The following CCDC183 variants were observed in gnomAD, a reference collection of about 807,000 sequenced individuals.
CCDC183 encodes coiled-coil domain containing 183.
A neutral mutation model predicts 65.2 loss-of-function variants in CCDC183; 63 were observed. The ratio of observed to expected loss-of-function variants is 0.97; its 90% CI spans 0.79 to 1.19. The LOEUF is 1.19. Ranked by LOEUF, CCDC183 falls within the 50% of genes most tolerant of loss-of-function variation. The pLI, the probability that CCDC183 is intolerant of heterozygous loss-of-function variation, is 0.00. For synonymous variants in CCDC183, 323 were observed against 276.5 expected (o/e 1.17, Z -1.67); for missense variants, 769 against 689.3 (o/e 1.12, Z -1.30).
intron 10 of CCDC183, 46 bp from the exon 11 acceptor site, chr9:136,806,458 C>T (rs940976275): frequency 1.2e-6 from 2 of 1,610,454 alleles, no homozygotes; most frequent in East Asian, 4.5e-5. Flanking sequence ...CACCATGGCT[C>T]TCGGGCCTGT....
Position 136,804,577 on chromosome 9 carries a change from A to T in CCDC183, c.742A>T (p.Lys248Ter). Reference protein sequence around the residue: ...ARENRLNQQKKLIDKIHTKET... With the variant: ...ARENRLNQQK ...GGAGAACCGGCTCAACCAGCAGAAG[A>T]AGCTGATCGACAAGATCCACACGAA... Residue 248 changes from lysine to a stop codon, truncating the protein, a stop_gained, in exon 7 of 14, where the codon AAG becomes TAG. Transcript: ENST00000338005. LOFTEE classifies it high-confidence loss of function. The surrounding 1 kb of genome is among the most constrained non-coding windows in gnomAD (Gnocchi z 4.1). 1.2e-6 allele frequency: 2 copies of T among 1,613,684 alleles called. No homozygotes were observed. The highest frequency in any genetic ancestry group is 1.7e-4 in the Middle Eastern group (1 of 6,060).
chr9:136,799,918 C>G (rs1299712418), intron 3 of CCDC183, 84 bp from the exon 4 acceptor site: 2 of 1,525,238 alleles, frequency 1.3e-6, no homozygotes, highest in African/African-American at 1.4e-5. Context: ...GGGGTTGCCA[C>G]GAGCCTCCAC....
intron 9 of CCDC183, 144 bp from the exon 10 acceptor site, chr9:136,805,934 C>A: frequency 1.5e-6 from 1 of 677,420 alleles, no homozygotes; most frequent in Non-Finnish European, 2.4e-6. Flanking sequence ...GTTGAGGCTG[C>A]AGTGAGCTGT....
chr9:136,805,682 A>G (rs1847831790), intron 9 of CCDC183: 1 of 565,070 alleles, frequency 1.8e-6, no homozygotes, highest in African/African-American at 1.9e-5. Flanking sequence ...TTAGGCCTTG[A>G]GCTCCTAACC....
chr9:136,798,572 C>T (rs1487635828), intron 1 of CCDC183, among the ~76,000 whole-genome samples: 1 of 152,218 alleles, frequency 6.6e-6, no homozygotes, highest in Non-Finnish European at 1.5e-5. Flanking sequence ...GCTGGGATTA[C>T]AGGTGTGAGC....
At position 136,799,141 on chromosome 9, in the gene CCDC183, A is replaced by C. The variant is rs368056573; in HGVS notation, c.110A>C (p.Asn37Thr). Reference sequence around the variant, plus strand: ...CTCCAGATCCAAGGGGTGAAAGAGAATATGGACCAGAACAAGGCCACGCTG... The same window carrying C: ...CTCCAGATCCAAGGGGTGAAAGAGACTATGGACCAGAACAAGGCCACGCTG... ...RALQIQGVKE[N>T]MDQNKATLAL... Residue 37 changes from asparagine to threonine, a missense_variant, in exon 2 of 14, where the codon AAT (asparagine) becomes ACT (threonine). By Grantham distance (65) the Asn-to-Thr change is moderately conservative. Transcript: ENST00000338005. 7.4e-6 allele frequency: 12 copies of C among 1,613,336 alleles called. No homozygotes were observed. The highest frequency in any genetic ancestry group is 6.7e-5 in the Admixed American group (4 of 59,988).
intron 5 of CCDC183, 77 bp from the exon 6 acceptor site, chr9:136,802,585 GCT>G: frequency 6.5e-7 from 1 of 1,532,514 alleles, no homozygotes; most frequent in Non-Finnish European, 8.8e-7. Flanking sequence ...TGTTCTCAGG[GCT>G]CTTAGTCGGG....
At position 136,806,547 on chromosome 9, in the gene CCDC183, GAAGAA is replaced by G. The variant is rs1847854268; in HGVS notation, c.1154_1158del (p.Glu385GlyfsTer35). ...GAAAATGACAGACATGCTAAAAGAG[GAAGAA>G]GAGAGGCTCCAGCTGGCGCACAGCA... is the stretch of plus-strand genomic sequence containing the variant. On this transcript the variant is annotated frameshift_variant, in exon 11 of 14. Coordinates refer to ENST00000338005, the MANE Select transcript of CCDC183 (RefSeq NM_001039374.5). LOFTEE classifies it high-confidence loss of function. The G allele has an allele frequency of 2.5e-6, 4 of 1,613,528 alleles. No individual in the cohort carries two copies. The highest frequency in any genetic ancestry group is 3.4e-6 in the Non-Finnish European group (4 of 1,180,046).
Position 136,806,659 on chromosome 9 carries a change from T to A in CCDC183, c.1265T>A (p.Leu422Ter), listed in dbSNP as rs1847857647. The change falls in exon 11 of 14, where the codon TTG (leucine) becomes TAG (stop). Residue 422 changes from leucine to a stop codon, truncating the protein, a stop_gained. Coordinates refer to ENST00000338005, the MANE Select transcript of CCDC183 (RefSeq NM_001039374.5). LOFTEE classifies it high-confidence loss of function. ...NLYVRLMGIN[L>*]PATQREVVLS... is the part of the protein sequence containing the mutation. ...TATGTCCGGCTGATGGGCATTAACT[T>A]GCCTGCGACCCAGGTACCGGGAGTG... 6.2e-7 allele frequency: 1 copy of A among 1,613,390 alleles called. No individual in the cohort carries two copies. Among genetic ancestry groups the A allele is most frequent in the Non-Finnish European group, 8.5e-7 (1 of 1,180,014 alleles).
chr9:136,805,958 A>AT, intron 9 of CCDC183, 120 bp from the exon 10 acceptor site: 1 of 784,696 alleles, frequency 1.3e-6, no homozygotes, highest in Non-Finnish European at 2.0e-6. Context: ...CACACTTGTG[A>AT]ATGAGCACAG....
At chr9:136,805,144 G>A (rs1021992478) in intron 8 of CCDC183, 11 of 596,968 alleles carry the variant, frequency 1.8e-5, no homozygotes, top group East Asian at 2.8e-5. Flanking sequence ...CACTCACTCC[G>A]GGTCCACCTC....
chr9:136,798,177 TG>T (rs1847682155), intron 1 of CCDC183, among the ~76,000 whole-genome samples: 2 of 151,512 alleles, frequency 1.3e-5, no homozygotes, highest in African/African-American at 2.4e-5. Context: ...AGCTAATTTT[TG>T]TATTTTTAGT....
intron 10 of CCDC183, 52 bp from the exon 11 acceptor site, chr9:136,806,452 A>C: frequency 6.8e-6 from 11 of 1,608,330 alleles, no homozygotes; most frequent in Non-Finnish European, 9.3e-6. Flanking sequence ...GTGGCCCACC[A>C]TGGCTCTCGG....
At chr9:136,799,647 C>A in intron 2 of CCDC183, 66 bp from the exon 3 acceptor site, 1 of 1,408,920 alleles carries the variant, frequency 7.1e-7, no homozygotes, top group Non-Finnish European at 9.9e-7. Context: ...GGGAGAATGC[C>A]TGGAGGAGCC....
intron 5 of CCDC183, chr9:136,800,832 G>C (rs1439334514): frequency 4.3e-6 from 1 of 230,660 alleles, no homozygotes; most frequent in Non-Finnish European, 8.6e-6. Context: ...CACCTTTGAG[G>C]GTCCGCTGGG....
Position 136,806,546 on chromosome 9 carries a change from G to T in CCDC183, c.1152G>T (p.Glu384Asp). Residue 384 changes from glutamate to aspartate, a missense_variant, in exon 11 of 14, where the codon GAG becomes GAT. Physicochemically the swap from Glu to Asp is conservative, Grantham distance 45. Coordinates refer to ENST00000338005, the MANE Select transcript of CCDC183 (RefSeq NM_001039374.5). ...VEKKMTDMLK[E>D]EEERLQLAHS... ...AGAAAATGACAGACATGCTAAAAGA[G>T]GAAGAAGAGAGGCTCCAGCTGGCGC... 1 of 1,613,646 alleles carries T rather than the reference G, an allele frequency of 6.2e-7. No individual in the cohort carries two copies. Among genetic ancestry groups the T allele is most frequent in the Non-Finnish European group, 8.5e-7 (1 of 1,180,046 alleles).
At chr9:136,805,653 G>A (rs995417830) in intron 9 of CCDC183, 196 bp downstream of exon 9, 12 of 578,706 alleles carry the variant, frequency 2.1e-5, no homozygotes, top group Admixed American at 3.0e-5. Flanking sequence ...TCCCATCTGT[G>A]TATCTGCGTT....
intron 4 of CCDC183, 32 bp downstream of exon 4, chr9:136,800,201 A>G: frequency 2.9e-6 from 2 of 697,814 alleles, no homozygotes; most frequent in Non-Finnish European, 4.2e-6. Flanking sequence ...GGCGGGGCGG[A>G]GTCCACTGGG....
At chr9:136,802,154 C>T (rs1463743745) in intron 5 of CCDC183, among the ~76,000 whole-genome samples, 2 of 152,216 alleles carry the variant, frequency 1.3e-5, no homozygotes, top group Admixed American at 6.5e-5. Context: ...GTACCTGGTT[C>T]TGGGCTAAAT....
Sources: gnomAD v4.1 joint callset for allele counts (sites outside exome capture counted in the v4.1 genomes callset) on GRCh38, gnomAD v4.1.1 for gene constraint, Gnocchi (gnomAD v3.1) non-coding constraint, MANE v1.5 for transcripts, NCBI Gene and HGNC (gene_info 2026-07-23, HGNC 2026-07-21) for gene names.